LSAMP: variants seen among roughly 807,000 people sequenced by gnomAD.
LSAMP encodes limbic system associated membrane protein.
In LSAMP, 7 loss-of-function variants were observed where a neutral mutation model predicts 38.6. The observed-to-expected ratio is 0.18, with a 90% CI of 0.10 to 0.34. The LOEUF is 0.34. Among genes scored for constraint, LSAMP ranks in the 10% least tolerant of loss-of-function variants. The probability of loss-of-function intolerance (pLI) is 1.00; values close to 1 mark genes in which losing one functional copy is unlikely to be tolerated. For missense variants in LSAMP, 313 were observed against 420.0 expected (o/e 0.75, Z 2.23); for synonymous variants, 154 against 166.8 (o/e 0.92, Z 0.59).
Position 115,843,999 on chromosome 3 carries a change from C to T in LSAMP, c.650-1421G>A, listed in dbSNP as rs572604691. 5.5e-4 allele frequency among the ~76,000 whole-genome samples: 83 copies of T among 152,260 alleles called. 1 individual carries two copies. The highest frequency in any genetic ancestry group is 6.5e-5 in the Admixed American group (1 of 15,298). On this transcript the variant is annotated intron_variant, in intron 4 of 6. Coordinates refer to ENST00000490035, the MANE Select transcript of LSAMP (RefSeq NM_002338.5). ...TAAATGGGAAGATGCTGTCATAAAA[C>T]GAACCCTGGATTGGAAACTAGGAGT...
intron 2 of LSAMP, among the ~76,000 whole-genome samples, chr3:116,067,498 A>G (rs138478226): frequency 6.8e-4 from 103 of 152,320 alleles, no homozygotes; most frequent in Middle Eastern, 6.8e-3. Flanking sequence ...ATAGATGTAT[A>G]CAGAAACAGC....
At chr3:116,390,739 CAAAAA>C (rs60344430) in intron 1 of LSAMP, among the ~76,000 whole-genome samples, 2,878 of 56,002 alleles carry the variant, frequency 0.051, 79 homozygotes, top group African/African-American at 0.15. Context: ...GACTCCGCCT[CAAAAA>C]AAAAAAAAAA....
At chr3:115,964,837 T>C (rs561930803) in intron 3 of LSAMP, among the ~76,000 whole-genome samples, 7 of 152,244 alleles carry the variant, frequency 4.6e-5, no homozygotes, top group Non-Finnish European at 8.8e-5. Context: ...AAAAACTATA[T>C]GCTGAATCTT....
chr3:116,210,176 T>A (rs1043866368), intron 1 of LSAMP, among the ~76,000 whole-genome samples: 1 of 152,190 alleles, frequency 6.6e-6, no homozygotes, highest in Non-Finnish European at 1.5e-5. Flanking sequence ...ATAATGATGA[T>A]GATTTTGATG....
intron 1 of LSAMP, among the ~76,000 whole-genome samples, chr3:116,300,587 G>C (rs1055279488): frequency 6.6e-6 from 1 of 152,144 alleles, no homozygotes; most frequent in East Asian, 1.9e-4. Context: ...TCATAGGAGC[G>C]TGAACCCTTT....
chr3:116,013,805 C>T (rs1439245097), intron 3 of LSAMP, among the ~76,000 whole-genome samples: 1 of 152,196 alleles, frequency 6.6e-6, no homozygotes, highest in Non-Finnish European at 1.5e-5. Context: ...ACCCCTACAT[C>T]ATGATCTCAC....
chr3:115,829,996 T>C (rs1934557344), intron 6 of LSAMP, among the ~76,000 whole-genome samples: 1 of 152,214 alleles, frequency 6.6e-6, no homozygotes. Context: ...TTCTAGGAAC[T>C]TGAAGCTCTC....
chr3:116,268,685 T>C (rs953113343), intron 1 of LSAMP, among the ~76,000 whole-genome samples: 4 of 16,242 alleles, frequency 2.5e-4, no homozygotes, highest in African/African-American at 5.5e-4. Context: ...ATTAAACAAT[T>C]TTTTTCTATT....
chr3:116,285,413 C>T (rs1168152457), intron 1 of LSAMP, among the ~76,000 whole-genome samples: 2 of 152,130 alleles, frequency 1.3e-5, no homozygotes, highest in Non-Finnish European at 2.9e-5. Context: ...CAAGCCTATC[C>T]ATGCCAGGTA....
intron 2 of LSAMP, among the ~76,000 whole-genome samples, chr3:116,071,327 T>G (rs971519015): frequency 2.7e-5 from 4 of 147,976 alleles, no homozygotes; most frequent in Non-Finnish European, 5.9e-5. Flanking sequence ...CTCTTAATAA[T>G]CATGAGGGTT....
chr3:116,009,805 A>G (rs1407958738), intron 3 of LSAMP, among the ~76,000 whole-genome samples: 1 of 152,186 alleles, frequency 6.6e-6, no homozygotes, highest in Non-Finnish European at 1.5e-5. Flanking sequence ...CCCCCACTAT[A>G]GCACAAGTTT....
chr3:116,391,766 C>G (rs1327963048), intron 1 of LSAMP, among the ~76,000 whole-genome samples: 1 of 152,196 alleles, frequency 6.6e-6, no homozygotes, highest in African/African-American at 2.4e-5. Context: ...GGAGCAGTGA[C>G]TGGTGCCCAC....
At chr3:116,186,262 A>T (rs1159706849) in intron 1 of LSAMP, among the ~76,000 whole-genome samples, 1 of 152,154 alleles carries the variant, frequency 6.6e-6, no homozygotes, top group Non-Finnish European at 1.5e-5. Context: ...ACTCTTCTTT[A>T]TACCTACCCC....
intron 2 of LSAMP, among the ~76,000 whole-genome samples, chr3:116,036,455 C>T (rs1941047914): frequency 6.6e-6 from 1 of 152,166 alleles, no homozygotes; most frequent in South Asian, 2.1e-4. Flanking sequence ...ATTCTGAAGC[C>T]ACAGTTCAGA....
intron 3 of LSAMP, among the ~76,000 whole-genome samples, chr3:115,929,670 T>G (rs1401397076): frequency 2.0e-5 from 3 of 152,110 alleles, no homozygotes; most frequent in African/African-American, 7.2e-5. Flanking sequence ...ATTCCTTTCC[T>G]ACTCATAAAT....
At chr3:115,934,218 AC>A (rs1267324672) in intron 3 of LSAMP, among the ~76,000 whole-genome samples, 1 of 150,370 alleles carries the variant, frequency 6.7e-6, no homozygotes, top group Non-Finnish European at 1.5e-5. Flanking sequence ...TCACTCTGTC[AC>A]CCAGGCTGGA....
chr3:116,270,416 C>T (rs1405111349), intron 1 of LSAMP, among the ~76,000 whole-genome samples: 1 of 118,884 alleles, frequency 8.4e-6, no homozygotes, highest in Non-Finnish European at 2.0e-5. Flanking sequence ...GACCCTGAAG[C>T]TTCTTTACTT....
In LSAMP at chr3:115,920,037, T is replaced by C. The variant is rs558359008; in HGVS notation, c.515-67420A>G. On this transcript the variant is annotated intron_variant, in intron 3 of 6. Coordinates refer to ENST00000490035, the MANE Select transcript of LSAMP (RefSeq NM_002338.5). ...AACTTAGAATTTCCTTCCTTGTCAG[T>C]AACTGAATAATATTCTCTTGCATAT... 4.5e-4 allele frequency among the ~76,000 whole-genome samples: 69 copies of C among 152,354 alleles called. 2 individuals carry two copies. In the South Asian group the frequency reaches 0.013, roughly 30 times the overall value.
At chr3:116,404,855 T>C (rs945119611) in intron 1 of LSAMP, among the ~76,000 whole-genome samples, 4 of 152,126 alleles carry the variant, frequency 2.6e-5, no homozygotes, top group African/African-American at 4.8e-5. Flanking sequence ...TGTATAGATA[T>C]TCAAACATGT....
Sources: gnomAD v4.1 joint callset for allele counts (sites outside exome capture counted in the v4.1 genomes callset) on GRCh38, gnomAD v4.1.1 for gene constraint, MANE v1.5 for transcripts, NCBI Gene and HGNC (gene_info 2026-07-23, HGNC 2026-07-21) for gene names.